Variants in KIAA0825 observed in about 807,000 individuals in gnomAD.
KIAA0825 encodes the protein KIAA0825, also known as uncharacterized protein KIAA0825.
Under a neutral mutation model 147.6 loss-of-function variants are expected in KIAA0825, and 119 were observed. That is an observed-to-expected ratio of 0.81 (90% CI 0.69 to 0.94). KIAA0825 has a LOEUF of 0.94. KIAA0825 is among the 40% of genes least tolerant of loss of function. The pLI is 0.00. For missense variants in KIAA0825, 1,381 were observed against 1,472.7 expected (o/e 0.94, Z 1.02); for synonymous variants, 470 against 518.1 (o/e 0.91, Z 1.26).
intron 14 of KIAA0825, among the ~76,000 whole-genome samples, chr5:94,436,139 A>G (rs960546334): frequency 6.6e-6 from 1 of 152,088 alleles, no homozygotes; most frequent in Non-Finnish European, 1.5e-5. Context: ...ATTAGATTCC[A>G]TGTGTCAATT....
At chr5:94,560,852 G>A (rs1214229672) in intron 2 of KIAA0825, among the ~76,000 whole-genome samples, 1 of 152,116 alleles carries the variant, frequency 6.6e-6, no homozygotes, top group African/African-American at 2.4e-5. Flanking sequence ...TACGCACACA[G>A]CACACACACA....
At chr5:94,284,288 T>C (rs547803972) in intron 20 of KIAA0825, among the ~76,000 whole-genome samples, 6 of 152,110 alleles carry the variant, frequency 3.9e-5, no homozygotes, top group Admixed American at 3.9e-4. Context: ...CAGGATTATG[T>C]TATGAATGTA....
At chr5:94,556,808 G>C (rs1776622582) in intron 2 of KIAA0825, among the ~76,000 whole-genome samples, 1 of 152,126 alleles carries the variant, frequency 6.6e-6, no homozygotes, top group Non-Finnish European at 1.5e-5. Context: ...CAAAATAGCA[G>C]TCTACATTTC....
At chr5:94,341,114 T>C (rs1473879886) in intron 20 of KIAA0825, among the ~76,000 whole-genome samples, 1 of 152,192 alleles carries the variant, frequency 6.6e-6, no homozygotes, top group East Asian at 1.9e-4. Flanking sequence ...TAAAATAATA[T>C]CTGTGTAATA....
chr5:94,154,223 T>A, intron 20 of KIAA0825, 99 bp from the exon 21 acceptor site: 1 of 743,416 alleles, frequency 1.3e-6, no homozygotes, highest in Non-Finnish European at 2.3e-6. Context: ...GCTTATTGAG[T>A]CATCTGTCTC....
intron 1 of KIAA0825, among the ~76,000 whole-genome samples, chr5:94,615,931 G>A (rs1790342711): frequency 6.6e-6 from 1 of 151,976 alleles, no homozygotes; most frequent in Non-Finnish European, 1.5e-5. Context: ...AGGAAGTATA[G>A]AACATAGTAA....
At chr5:94,312,127 A>G (rs1779239084) in intron 20 of KIAA0825, among the ~76,000 whole-genome samples, 2 of 151,734 alleles carry the variant, frequency 1.3e-5, no homozygotes, top group South Asian at 4.1e-4. Flanking sequence ...GAATATTCAT[A>G]ACAATCAGTG....
At chr5:94,417,085 A>G (rs1390794675) in intron 15 of KIAA0825, 116 bp downstream of exon 15, 1 of 956,826 alleles carries the variant, frequency 1.0e-6, no homozygotes, top group Admixed American at 2.3e-5. Flanking sequence ...TGTAAGGTAA[A>G]CTTTCACCAA....
intron 13 of KIAA0825, among the ~76,000 whole-genome samples, chr5:94,443,329 G>C (rs1457126810): frequency 2.2e-5 from 3 of 138,104 alleles, no homozygotes; most frequent in Non-Finnish European, 4.7e-5. Context: ...TGACAGAAAG[G>C]GAAATTTTAT....
intron 20 of KIAA0825, among the ~76,000 whole-genome samples, chr5:94,166,125 A>G (rs1768007513): frequency 6.6e-6 from 1 of 152,172 alleles, no homozygotes; most frequent in African/African-American, 2.4e-5. Flanking sequence ...CCCCATAAAT[A>G]TATACACCTA....
intron 13 of KIAA0825, among the ~76,000 whole-genome samples, chr5:94,446,130 A>ATTTAATATAGCACTTATGCAATACAATAC: frequency 6.6e-6 from 1 of 152,208 alleles, no homozygotes; most frequent in African/African-American, 2.4e-5. Context: ...TGTTCCCACC[A>ATTTAATATAGCACTTATGCAATACAATAC]TTTAATATAG....
At chr5:94,601,176 T>TAAC (rs1194330655) in intron 1 of KIAA0825, among the ~76,000 whole-genome samples, 1 of 152,058 alleles carries the variant, frequency 6.6e-6, no homozygotes, top group Non-Finnish European at 1.5e-5. Context: ...TTTGGGCCAA[T>TAAC]AACAGGTCTG....
At chr5:94,441,200 C>A (rs1214232057) in intron 13 of KIAA0825, among the ~76,000 whole-genome samples, 3 of 152,002 alleles carry the variant, frequency 2.0e-5, no homozygotes, top group African/African-American at 7.2e-5. Flanking sequence ...GGCCCCAAAC[C>A]AGCAGCATCA....
chr5:94,239,793 A>G (rs183001711), intron 20 of KIAA0825, among the ~76,000 whole-genome samples: 16 of 152,334 alleles, frequency 1.1e-4, no homozygotes, highest in Admixed American at 1.0e-3. Context: ...TTTATTTACA[A>G]TTACTTAATT....
At chr5:94,234,326 G>A (rs973676480) in intron 20 of KIAA0825, among the ~76,000 whole-genome samples, 6 of 151,344 alleles carry the variant, frequency 4.0e-5, no homozygotes, top group Middle Eastern at 3.2e-3. Context: ...AGCCGAGATC[G>A]CGCCACTGCA....
intron 3 of KIAA0825, among the ~76,000 whole-genome samples, chr5:94,528,946 T>A (rs1196664221): frequency 2.0e-5 from 3 of 151,860 alleles, no homozygotes; most frequent in African/African-American, 7.3e-5. Context: ...ACTCCTTTGA[T>A]TCTCTTTTTG....
At chr5:94,594,879 G>T (rs1256352638) in intron 1 of KIAA0825, 7 of 191,614 alleles carry the variant, frequency 3.7e-5, no homozygotes, top group Non-Finnish European at 5.3e-5. Flanking sequence ...AAAAATAGTA[G>T]ATAAAAAAAA....
intron 6 of KIAA0825, among the ~76,000 whole-genome samples, chr5:94,480,060 G>C (rs184115114): frequency 2.6e-5 from 4 of 151,964 alleles, no homozygotes; most frequent in Non-Finnish European, 4.4e-5. Context: ...TTCTGATCAT[G>C]CCTGTTTATT....
intron 20 of KIAA0825, among the ~76,000 whole-genome samples, chr5:94,207,292 C>A (rs1408857700): frequency 6.6e-6 from 1 of 152,126 alleles, no homozygotes; most frequent in South Asian, 2.1e-4. Flanking sequence ...ATTTTTTATA[C>A]CAGTTCTAAA....
Sources: allele counts gnomAD v4.1 joint callset (sites outside exome capture counted in the v4.1 genomes callset), GRCh38; gene constraint gnomAD v4.1.1; transcripts MANE v1.5; gene names NCBI Gene and HGNC (gene_info 2026-07-23, HGNC 2026-07-21).